Variants in SLC24A2 observed in about 807,000 individuals in gnomAD.
SLC24A2 encodes sodium/potassium/calcium exchanger 2.
In SLC24A2, 36 loss-of-function variants were observed where a neutral mutation model predicts 62.0. That is an observed-to-expected ratio of 0.58 (90% CI 0.44 to 0.77). The LOEUF is 0.77. Ranked by LOEUF, SLC24A2 falls within the 30% of genes least tolerant of loss-of-function variation. SLC24A2 has a pLI of 0.00. For missense variants in SLC24A2, 846 were observed against 817.9 expected (o/e 1.03, Z -0.42); for synonymous variants, 358 against 294.0 (o/e 1.22, Z -2.23).
chr9:19,945,531 T>G, the SLC24A2 span, among the ~76,000 whole-genome samples: 1 of 152,232 alleles, frequency 6.6e-6, no homozygotes, highest in African/African-American at 2.4e-5. Flanking sequence ...AAAGGGGTAA[T>G]TCTCCCTTTG....
At chr9:19,988,907 A>T in the SLC24A2 span, among the ~76,000 whole-genome samples, 4 of 152,310 alleles carry the variant, frequency 2.6e-5, no homozygotes, top group East Asian at 7.7e-4. Flanking sequence ...AGTTTTCACC[A>T]TAGGCTTGTG....
At chr9:20,079,634 G>T in the SLC24A2 span, among the ~76,000 whole-genome samples, 1 of 152,166 alleles carries the variant, frequency 6.6e-6, no homozygotes, top group Non-Finnish European at 1.5e-5. Context: ...ATATCTTCAT[G>T]TACTTGGCAA....
intron 2 of SLC24A2, among the ~76,000 whole-genome samples, chr9:19,710,059 T>A (rs1292060576): frequency 2.0e-5 from 3 of 152,222 alleles, no homozygotes; most frequent in Non-Finnish European, 2.9e-5. Flanking sequence ...GATTTCCTCC[T>A]CCCTAATCCT....
At chr9:19,817,088 G>A in the SLC24A2 span, among the ~76,000 whole-genome samples, 81 of 152,212 alleles carry the variant, frequency 5.3e-4, no homozygotes, top group South Asian at 1.2e-3. Flanking sequence ...CTGGTGTACA[G>A]AATTTGGAGA....
chr9:19,903,859 C>G, the SLC24A2 span, among the ~76,000 whole-genome samples: 3 of 152,298 alleles, frequency 2.0e-5, no homozygotes, highest in Admixed American at 1.3e-4. Flanking sequence ...GCTTAACATT[C>G]AGGTAACCCA....
the SLC24A2 span, among the ~76,000 whole-genome samples, chr9:20,022,468 G>C: frequency 1.7e-4 from 26 of 152,292 alleles, no homozygotes; most frequent in Non-Finnish European, 3.4e-4. Flanking sequence ...AAGTAGTAGA[G>C]GCAGGATTTA....
chr9:20,106,895 G>A, the SLC24A2 span, among the ~76,000 whole-genome samples: 32 of 152,272 alleles, frequency 2.1e-4, 1 homozygote, highest in East Asian at 5.2e-3. Flanking sequence ...ATTAGGAAAA[G>A]AGGAAGTCAA....
chr9:20,162,668 A>C, the SLC24A2 span, among the ~76,000 whole-genome samples: 1 of 152,040 alleles, frequency 6.6e-6, no homozygotes, highest in Non-Finnish European at 1.5e-5. Flanking sequence ...CTGGGCAGAG[A>C]CACAACCAAA....
chr9:20,013,952 T>C, the SLC24A2 span, among the ~76,000 whole-genome samples: 1 of 152,188 alleles, frequency 6.6e-6, no homozygotes, highest in Non-Finnish European at 1.5e-5. Flanking sequence ...TTCATGCCTG[T>C]TATCCTAGCA....
Position 19,630,022 on chromosome 9 carries a change from C to G in SLC24A2, c.931-7723G>C, listed in dbSNP as rs1194464563. ...GCAAAAATGTCTGTCCTTATGGAAC[C>G]TGCATTTCAGAATAAATATGTTATA... On this transcript the variant is annotated intron_variant, in intron 2 of 10. Coordinates refer to ENST00000341998, the MANE Select transcript of SLC24A2 (RefSeq NM_020344.4). 2.0e-5 allele frequency among the ~76,000 whole-genome samples: 3 copies of G among 152,110 alleles called. No homozygotes were observed. In the East Asian group the frequency reaches 5.8e-4, roughly 29 times the overall value.
chr9:19,555,167 TA>T (rs371772457), intron 7 of SLC24A2, among the ~76,000 whole-genome samples: 2,975 of 150,254 alleles, frequency 0.02, 75 homozygotes, highest in African/African-American at 0.053. Flanking sequence ...AGGGCACTCT[TA>T]AAAAAAAAAT....
At chr9:19,976,325 G>A in the SLC24A2 span, among the ~76,000 whole-genome samples, 1 of 152,248 alleles carries the variant, frequency 6.6e-6, no homozygotes, top group Non-Finnish European at 1.5e-5. Flanking sequence ...GGCCTGGTGG[G>A]AGGTGACTGA....
chr9:19,562,872 G>A (rs1482071916), intron 7 of SLC24A2, among the ~76,000 whole-genome samples: 1 of 152,068 alleles, frequency 6.6e-6, no homozygotes, highest in Non-Finnish European at 1.5e-5. Context: ...TTGGAGCTCT[G>A]GGTAGAAGGA....
intron 2 of SLC24A2, among the ~76,000 whole-genome samples, chr9:19,652,519 G>C (rs796214535): frequency 1.3e-5 from 2 of 152,012 alleles, no homozygotes; most frequent in Non-Finnish European, 2.9e-5. Flanking sequence ...TTGAAGATGG[G>C]GGAATGGGAC....
At chr9:19,873,810 G>C in the SLC24A2 span, among the ~76,000 whole-genome samples, 1 of 152,086 alleles carries the variant, frequency 6.6e-6, no homozygotes, top group African/African-American at 2.4e-5. Context: ...CTACAAAATG[G>C]TCTGACTGAA....
the SLC24A2 span, among the ~76,000 whole-genome samples, chr9:20,288,487 G>A: frequency 1.3e-5 from 2 of 152,094 alleles, no homozygotes; most frequent in African/African-American, 4.8e-5. Context: ...CAGTGGAAAG[G>A]GCCAGGTGCG....
At chr9:19,569,389 G>A (rs1835774948) in intron 7 of SLC24A2, among the ~76,000 whole-genome samples, 1 of 152,150 alleles carries the variant, frequency 6.6e-6, no homozygotes, top group Non-Finnish European at 1.5e-5. Context: ...TAAGAGAATT[G>A]TCTTTCTATA....
the SLC24A2 span, among the ~76,000 whole-genome samples, chr9:20,119,688 T>C: frequency 1.3e-5 from 2 of 152,146 alleles, no homozygotes; most frequent in East Asian, 3.8e-4. Context: ...TCCCCAAAGA[T>C]GGGAAACAAG....
the SLC24A2 span, among the ~76,000 whole-genome samples, chr9:20,299,946 T>C: frequency 1.7e-4 from 26 of 152,210 alleles, no homozygotes; most frequent in African/African-American, 6.3e-4. Flanking sequence ...TCTGATGACT[T>C]TGAATTCAGG....
Sources: gnomAD v4.1 joint callset for allele counts (sites outside exome capture counted in the v4.1 genomes callset) on GRCh38, gnomAD v4.1.1 for gene constraint, MANE v1.5 for transcripts, NCBI Gene and HGNC (gene_info 2026-07-23, HGNC 2026-07-21) for gene names.